The following NT5DC1 variants were observed in gnomAD, a reference collection of about 807,000 sequenced individuals.
NT5DC1 encodes 5'-nucleotidase domain containing 1, also known as 5'-nucleotidase domain-containing protein 1.
A neutral mutation model predicts 59.4 loss-of-function variants in NT5DC1; 42 were observed. That is an observed-to-expected ratio of 0.71 (90% CI 0.55 to 0.92). The LOEUF is 0.92. Ranked by LOEUF, NT5DC1 falls within the 40% of genes least tolerant of loss-of-function variation. The pLI, the probability that NT5DC1 is intolerant of heterozygous loss-of-function variation, is 0.00. For missense variants in NT5DC1, 501 were observed against 537.1 expected, an observed-to-expected ratio of 0.93 and a Z score of 0.66; for synonymous variants, 172 against 188.1, an observed-to-expected ratio of 0.91 and a Z score of 0.70.
chr6:116,223,245 A>G, intron 8 of NT5DC1, 114 bp downstream of exon 8: 1 of 595,478 alleles, frequency 1.7e-6, no homozygotes. Flanking sequence ...GGAAGAAAAA[A>G]GATAATAAAC....
At chr6:116,192,469 AT>A (rs1781141518) in intron 6 of NT5DC1, among the ~76,000 whole-genome samples, 1 of 152,080 alleles carries the variant, frequency 6.6e-6, no homozygotes, top group Non-Finnish European at 1.5e-5. Context: ...CTATATACAG[AT>A]GAAAGACTTG....
chr6:116,234,209 C>T, intron 8 of NT5DC1, among the ~76,000 whole-genome samples: 1 of 151,896 alleles, frequency 6.6e-6, no homozygotes, highest in East Asian at 1.9e-4. Context: ...ATCCACCTGC[C>T]TCAGCCTCCC....
At chr6:116,161,247 C>T (rs1429801474) in intron 6 of NT5DC1, among the ~76,000 whole-genome samples, 5 of 150,148 alleles carry the variant, frequency 3.3e-5, no homozygotes, top group South Asian at 2.1e-4. Context: ...TGCTAGATGA[C>T]GAGTTAGTGG....
At chr6:116,184,891 CTTGA>C (rs1650599906) in intron 6 of NT5DC1, among the ~76,000 whole-genome samples, 1 of 151,704 alleles carries the variant, frequency 6.6e-6, no homozygotes, top group Admixed American at 6.6e-5. Context: ...TTGCTCTGAT[CTTGA>C]TTATTTCTTT....
chr6:116,202,682 G>C (rs144323406), intron 6 of NT5DC1, among the ~76,000 whole-genome samples: 6 of 152,086 alleles, frequency 3.9e-5, no homozygotes, highest in African/African-American at 1.4e-4. Flanking sequence ...ATGGCATTCT[G>C]AGATTATAGT....
At chr6:116,169,647 T>A (rs1223931737) in intron 6 of NT5DC1, among the ~76,000 whole-genome samples, 2 of 152,224 alleles carry the variant, frequency 1.3e-5, no homozygotes, top group Non-Finnish European at 2.9e-5. Flanking sequence ...AGCTTTATTT[T>A]TTATTGAGAA....
Position 116,236,948 on chromosome 6 carries a change from G to A in NT5DC1, c.803-18G>A. On this transcript the variant is annotated intron_variant, in intron 8 of 11. Coordinates refer to ENST00000319550, the MANE Select transcript of NT5DC1 (RefSeq NM_152729.3). ...TCACTTGATTAAAAAGTATATGATT[G>A]TCAAACTGTATTTTCAGAGAATGAT... 6.7e-7 allele frequency: 1 copy of A among 1,484,992 alleles called. No individual in the cohort carries two copies. The highest frequency in any genetic ancestry group is 1.1e-5 in the South Asian group (1 of 88,170). The allele number at this position is 1,484,992 out of a possible 1,614,324, so 92.0% of individuals were successfully genotyped here.
Position 116,239,030 on chromosome 6 carries a change from GA to G in NT5DC1, c.1163del (p.Asn388IlefsTer65). On this transcript the variant is annotated frameshift_variant, in exon 11 of 12. Transcript: ENST00000319550. LOFTEE classifies it high-confidence loss of function. Reference sequence around the variant, plus strand: ...TTTTATTGATTCAGTTTTGGGACTGGAAAATACAGAAGACTCCTTGGTTTAT... The same window carrying G: ...TTTTATTGATTCAGTTTTGGGACTGGAAATACAGAAGACTCCTTGGTTTAT... ...SFFIDSVLGL[E>X]NTEDSLVYTW... The G allele has an allele frequency of 1.2e-6, 2 of 1,607,602 alleles. No individual in the cohort carries two copies. The highest frequency in any genetic ancestry group is 1.7e-6 in the Non-Finnish European group (2 of 1,174,330).
intron 8 of NT5DC1, among the ~76,000 whole-genome samples, chr6:116,234,077 C>T (rs1782069782): frequency 7.0e-6 from 1 of 142,284 alleles, no homozygotes; most frequent in Non-Finnish European, 1.5e-5. Context: ...TCTCCTGCTT[C>T]AGCCTCCCGA....
intron 4 of NT5DC1, among the ~76,000 whole-genome samples, chr6:116,112,793 A>T (rs140927069): frequency 1.7e-3 from 253 of 152,356 alleles, no homozygotes; most frequent in African/African-American, 5.7e-3. Flanking sequence ...TGCTCTAAAG[A>T]TATACAGGTT....
At chr6:116,153,510 T>A (rs1011800991) in intron 6 of NT5DC1, among the ~76,000 whole-genome samples, 1 of 152,198 alleles carries the variant, frequency 6.6e-6, no homozygotes. Context: ...TTTTTAGTTA[T>A]AAACATTTTC....
At chr6:116,183,043 A>G (rs548515922) in intron 6 of NT5DC1, among the ~76,000 whole-genome samples, 2 of 152,116 alleles carry the variant, frequency 1.3e-5, no homozygotes, top group African/African-American at 2.4e-5. Context: ...TCTTAAGTTG[A>G]TTTTTATATA....
intron 11 of NT5DC1, among the ~76,000 whole-genome samples, chr6:116,241,614 A>G (rs1414685507): frequency 6.6e-6 from 1 of 152,210 alleles, no homozygotes; most frequent in Non-Finnish European, 1.5e-5. Context: ...AACAAAGGAG[A>G]TGAGAGAATA....
At chr6:116,122,541 A>G (rs1451300463) in intron 6 of NT5DC1, among the ~76,000 whole-genome samples, 1 of 152,210 alleles carries the variant, frequency 6.6e-6, no homozygotes, top group Non-Finnish European at 1.5e-5. Context: ...ATTAGACATA[A>G]TAGGTGAGGT....
At chr6:116,121,097 G>A (rs747464709) in intron 6 of NT5DC1, 21 of 1,613,808 alleles carry the variant, frequency 1.3e-5, no homozygotes, top group Non-Finnish European at 1.3e-5. Flanking sequence ...CATATTCCCA[G>A]GGGGTCCAGT....
intron 6 of NT5DC1, among the ~76,000 whole-genome samples, chr6:116,190,730 A>G (rs766243784): frequency 3.9e-5 from 6 of 152,030 alleles, no homozygotes; most frequent in South Asian, 2.1e-4. Context: ...ATTCTTGACA[A>G]CTGAACTGTG....
chr6:116,174,970 G>A (rs1780699432), intron 6 of NT5DC1, among the ~76,000 whole-genome samples: 1 of 152,024 alleles, frequency 6.6e-6, no homozygotes, highest in South Asian at 2.1e-4. Context: ...TAAGGATTAG[G>A]TTATTGAATG....
chr6:116,171,855 A>G (rs1780614616), intron 6 of NT5DC1, among the ~76,000 whole-genome samples: 1 of 152,248 alleles, frequency 6.6e-6, no homozygotes, highest in African/African-American at 2.4e-5. Context: ...TTAAAGAGGT[A>G]CTTAAACAGT....
chr6:116,214,726 T>G (rs936792190), intron 6 of NT5DC1, among the ~76,000 whole-genome samples: 1 of 152,178 alleles, frequency 6.6e-6, no homozygotes, highest in Non-Finnish European at 1.5e-5. Context: ...TGCAAAGACA[T>G]TTTAGAGGAG....
Sources: gnomAD v4.1 joint callset for allele counts (sites outside exome capture counted in the v4.1 genomes callset) on GRCh38, gnomAD v4.1.1 for gene constraint, MANE v1.5 for transcripts, NCBI Gene and HGNC (gene_info 2026-07-23, HGNC 2026-07-21) for gene names.